Variants in CDC42BPA observed in about 807,000 individuals in gnomAD.
The protein encoded by CDC42BPA is CDC42 binding protein kinase alpha.
A neutral mutation model predicts 223.5 loss-of-function variants in CDC42BPA; 80 were observed. The observed-to-expected ratio is 0.36, with a 90% CI of 0.30 to 0.43. The LOEUF is 0.43. CDC42BPA is among the 20% of genes least tolerant of loss of function. The pLI, the probability that CDC42BPA is intolerant of heterozygous loss-of-function variation, is 1.00. For synonymous variants in CDC42BPA, 694 were observed against 718.6 expected (o/e 0.97, Z 0.55); for missense variants, 1,743 against 2,099.9 (o/e 0.83, Z 3.32).
intron 1 of CDC42BPA, among the ~76,000 whole-genome samples, chr1:227,290,813 T>C (rs1689565919): frequency 6.6e-6 from 1 of 152,162 alleles, no homozygotes; most frequent in African/African-American, 2.4e-5. Flanking sequence ...AACACATTAT[T>C]AGGGAAGGTG....
chr1:227,281,112 T>C (rs777937925), intron 1 of CDC42BPA, among the ~76,000 whole-genome samples: 2 of 152,218 alleles, frequency 1.3e-5, no homozygotes, highest in Non-Finnish European at 2.9e-5. Context: ...CATGTGAATG[T>C]GGAGAATACT....
At chr1:227,241,375 A>G (rs1679984463) in intron 2 of CDC42BPA, among the ~76,000 whole-genome samples, 1 of 152,132 alleles carries the variant, frequency 6.6e-6, no homozygotes, top group South Asian at 2.1e-4. Flanking sequence ...ACATATTTCC[A>G]TAAAAACCTG....
At chr1:227,152,240 T>C (rs1431139997) in intron 6 of CDC42BPA, among the ~76,000 whole-genome samples, 7 of 152,194 alleles carry the variant, frequency 4.6e-5, no homozygotes, top group Admixed American at 3.3e-4. Flanking sequence ...TTGCCGAATT[T>C]ATCTATTTTT....
rs1392162686 is a variant in CDC42BPA, at chr1:227,318,483, G to C, written c.-1301C>G. On this transcript the variant is annotated 5_prime_UTR_variant, in exon 1 of 37. In the 5' UTR this introduces an upstream ATG that the reference lacks. Transcript: ENST00000366766. ...AGGCGGAGGCTTGCGGACGAGTCTG[G>C]ATCCAATATGGCGGCCTGGCCCCCC... is the stretch of plus-strand genomic sequence containing the variant. 1 of 152,224 alleles carries C rather than the reference G, an allele frequency of 6.6e-6. No individual in the cohort carries two copies. The highest frequency in any genetic ancestry group is 2.4e-5 in the African/African-American group (1 of 41,398). 9.4% of individuals were successfully genotyped at this position (152,224 alleles called of 1,614,324 possible).
chr1:227,270,613 T>C (rs72757346), intron 1 of CDC42BPA, among the ~76,000 whole-genome samples: 13,715 of 152,274 alleles, frequency 0.09, 731 homozygotes, highest in East Asian at 0.17. Flanking sequence ...ATTTTAACTA[T>C]TGTTAAGTGT....
intron 15 of CDC42BPA, among the ~76,000 whole-genome samples, chr1:227,098,240 T>C (rs145069082): frequency 2.0e-4 from 30 of 151,636 alleles, no homozygotes; most frequent in African/African-American, 5.1e-4. Context: ...CTTCCAAAAA[T>C]TGGAGTACCC....
intron 3 of CDC42BPA, among the ~76,000 whole-genome samples, chr1:227,208,764 T>C (rs1055564121): frequency 2.0e-5 from 3 of 152,150 alleles, no homozygotes; most frequent in African/African-American, 4.8e-5. Context: ...TGTAGCCTTG[T>C]AGTATAGTTT....
intron 2 of CDC42BPA, among the ~76,000 whole-genome samples, chr1:227,253,247 C>T (rs567722009): frequency 6.5e-5 from 9 of 138,424 alleles, no homozygotes; most frequent in Admixed American, 2.9e-4. Context: ...AGAAAGAGAG[C>T]GAGAGAGAGA....
chr1:227,256,151 G>C (rs1016398534), intron 1 of CDC42BPA, among the ~76,000 whole-genome samples: 1 of 152,166 alleles, frequency 6.6e-6, no homozygotes, highest in African/African-American at 2.4e-5. Context: ...AAAAAAGAAT[G>C]AGTTCATGTC....
intron 4 of CDC42BPA, among the ~76,000 whole-genome samples, chr1:227,198,656 T>C (rs955333503): frequency 6.6e-6 from 1 of 152,108 alleles, no homozygotes; most frequent in East Asian, 1.9e-4. Flanking sequence ...ATTATAGAGT[T>C]GCATAAACCT....
At chr1:227,073,757 A>G in intron 19 of CDC42BPA, 107 bp downstream of exon 19, 1 of 861,378 alleles carries the variant, frequency 1.2e-6, no homozygotes, top group South Asian at 1.9e-5. Flanking sequence ...ATATTTGGCC[A>G]TCATTTTTCT....
At chr1:227,051,297 T>C (rs543947722) in intron 22 of CDC42BPA, among the ~76,000 whole-genome samples, 13 of 152,364 alleles carry the variant, frequency 8.5e-5, no homozygotes, top group African/African-American at 2.9e-4. Context: ...AGCATTCTTT[T>C]GACTTGTGGA....
intron 4 of CDC42BPA, among the ~76,000 whole-genome samples, chr1:227,199,262 G>C (rs1671308584): frequency 6.6e-6 from 1 of 152,136 alleles, no homozygotes; most frequent in Non-Finnish European, 1.5e-5. Flanking sequence ...AATGGTACTG[G>C]TGTTAAAGGT....
chr1:227,300,589 G>GT (rs1397077153), intron 1 of CDC42BPA, among the ~76,000 whole-genome samples: 1 of 152,050 alleles, frequency 6.6e-6, no homozygotes, highest in Non-Finnish European at 1.5e-5. Context: ...ACCAAATACC[G>GT]TATGTTCTCA....
At chr1:227,107,661 T>C (rs1201979661) in intron 14 of CDC42BPA, among the ~76,000 whole-genome samples, 1 of 152,218 alleles carries the variant, frequency 6.6e-6, no homozygotes, top group Non-Finnish European at 1.5e-5. Flanking sequence ...CTTGGACTTT[T>C]CTTTGTTAGA....
intron 3 of CDC42BPA, among the ~76,000 whole-genome samples, chr1:227,200,045 C>A (rs548099206): frequency 6.6e-6 from 1 of 152,238 alleles, no homozygotes; most frequent in Non-Finnish European, 1.5e-5. Flanking sequence ...TTCCCTTTCT[C>A]CCCTGCTGTA....
chr1:227,085,012 G>C (rs1338773171), intron 16 of CDC42BPA, among the ~76,000 whole-genome samples: 1 of 152,140 alleles, frequency 6.6e-6, no homozygotes, highest in East Asian at 1.9e-4. Flanking sequence ...CCTGAAACGA[G>C]GCAGAAGCTT....
chr1:227,135,884 A>C (rs1571894945), intron 10 of CDC42BPA, among the ~76,000 whole-genome samples: 2 of 12,932 alleles, frequency 1.5e-4, no homozygotes, highest in Non-Finnish European at 1.9e-4. Flanking sequence ...AAAAAAAAAA[A>C]AAAAAAAAAA....
At chr1:227,123,192 C>A (rs558227713) in intron 11 of CDC42BPA, among the ~76,000 whole-genome samples, 2 of 152,198 alleles carry the variant, frequency 1.3e-5, no homozygotes, top group Admixed American at 1.3e-4. Flanking sequence ...CTCAGCTACT[C>A]GAGAAGGGCT....
Sources: allele counts gnomAD v4.1 joint callset (sites outside exome capture counted in the v4.1 genomes callset), GRCh38; gene constraint gnomAD v4.1.1; transcripts MANE v1.5; gene names NCBI Gene and HGNC (gene_info 2026-07-23, HGNC 2026-07-21).